KPNA2: variants seen among roughly 807,000 people sequenced by gnomAD.
The protein encoded by KPNA2 is karyopherin subunit alpha 2.
A neutral mutation model predicts 53.7 loss-of-function variants in KPNA2; 20 were observed. The observed-to-expected ratio is 0.37, with a 90% confidence interval of 0.26 to 0.54. The LOEUF is 0.54. Among genes scored for constraint, KPNA2 ranks in the 20% least tolerant of loss-of-function variants. The pLI is 0.83. For synonymous variants in KPNA2, 238 were observed against 227.5 expected (o/e 1.05, Z -0.42); for missense variants, 515 against 640.3 (o/e 0.80, Z 2.11).
At chr17:68,043,421 C>T (rs1007548002) in intron 7 of KPNA2, 58 bp downstream of exon 7, 43 of 1,546,688 alleles carry the variant, frequency 2.8e-5, no homozygotes, top group Middle Eastern at 1.7e-4. Flanking sequence ...CAGGGCTGGG[C>T]GTGGTAGTGG....
At position 68,044,304 on chromosome 17, in the gene KPNA2, T is replaced by C; in HGVS notation, c.1165-17T>C. 1 of 1,597,584 alleles carries C rather than the reference T, an allele frequency of 6.3e-7. No individual in the cohort carries two copies. The highest frequency in any genetic ancestry group is 8.5e-7 in the Non-Finnish European group (1 of 1,173,270). The stretch of plus-strand genomic sequence containing the variant: ...TGCAACTGTTCTGAAATAAAACCAT[T>C]TCCTTATGTTTAATAGGCAGATTTT... On this transcript the variant is annotated splice_polypyrimidine_tract_variant and intron_variant, in intron 8 of 10. Transcript: ENST00000330459.
rs1252281812 is a variant in KPNA2, at chr17:68,046,749, C to G, written c.*153C>G. On this transcript the variant is annotated 3_prime_UTR_variant, in exon 11 of 11. Transcript: ENST00000330459. ...GAACAGTTCCAACTGTACATACATA[C>G]TGTATGAAGCTTGTCCTCTGACTAG... 1.8e-5 allele frequency: 9 copies of G among 497,640 alleles called. No homozygotes were observed. The East Asian group carries it at 2.6e-4, about 14-fold the overall frequency. 30.8% of individuals were successfully genotyped at this position (497,640 alleles called of 1,614,324 possible).
At chr17:68,045,090 TAAAAA>T (rs554471695) in intron 9 of KPNA2, among the ~76,000 whole-genome samples, 1 of 130,390 alleles carries the variant, frequency 7.7e-6, no homozygotes, top group African/African-American at 2.9e-5. Context: ...GAAACTGTCT[TAAAAA>T]AAAAAAAAAA....
intron 9 of KPNA2, 135 bp downstream of exon 9, chr17:68,044,638 C>T: frequency 1.4e-6 from 1 of 707,506 alleles, no homozygotes; most frequent in Non-Finnish European, 2.4e-6. Context: ...TATGTGGCCA[C>T]CCCTTTGATT....
chr17:68,039,636 TG>T (rs1161378801), intron 3 of KPNA2, among the ~76,000 whole-genome samples: 4 of 144,464 alleles, frequency 2.8e-5, no homozygotes, highest in African/African-American at 1.0e-4. Context: ...CAAAATTAGC[TG>T]GGCATCGTGG....
At chr17:68,044,635 C>G in intron 9 of KPNA2, 132 bp downstream of exon 9, 1 of 712,624 alleles carries the variant, frequency 1.4e-6, no homozygotes, top group Non-Finnish European at 2.4e-6. Flanking sequence ...GTTTATGTGG[C>G]CACCCCTTTG....
Position 68,042,071 on chromosome 17 carries a change from T to G in KPNA2, c.303-14T>G, listed in dbSNP as rs782180140. 6.3e-7 allele frequency: 1 copy of G among 1,597,112 alleles called. No individual in the cohort carries two copies. The highest frequency in any genetic ancestry group is 2.2e-5 in the East Asian group (1 of 44,612). Reference sequence around the variant, plus strand: ...TCACTGTCAACTTTTATTTCTCTTTTTGTTCCCCTTTAGGAAACTACTTTC... The same window carrying G: ...TCACTGTCAACTTTTATTTCTCTTTGTGTTCCCCTTTAGGAAACTACTTTC... On this transcript the variant is annotated splice_polypyrimidine_tract_variant and intron_variant, in intron 4 of 10. Coordinates refer to ENST00000330459, the MANE Select transcript of KPNA2 (RefSeq NM_002266.4).
At chr17:68,041,228 T>C (rs1437410773) in intron 4 of KPNA2, among the ~76,000 whole-genome samples, 3 of 152,230 alleles carry the variant, frequency 2.0e-5, no homozygotes, top group Admixed American at 2.0e-4. Context: ...GTTCTATAGC[T>C]TGACAGTGTG....
chr17:68,044,368 T>C lies in KPNA2; in HGVS notation c.1212T>C (p.Tyr404=), dbSNP rs781861573. 2.5e-6 allele frequency: 4 copies of C among 1,614,168 alleles called. No individual in the cohort carries two copies. Among genetic ancestry groups the C allele is most frequent in the Non-Finnish European group, 3.4e-6 (4 of 1,179,986 alleles). ...AAGCTGTGTGGGCCGTGACCAACTATACCAGTGGTGGAACAGTTGAACAGA... is the reference window on the plus strand; with the variant it reads ...AAGCTGTGTGGGCCGTGACCAACTACACCAGTGGTGGAACAGTTGAACAGA... ...QKEAVWAVTN[Y]TSGGTVEQIV... is the part of the protein sequence containing the mutation. Residue 404 remains tyrosine, a synonymous_variant, in exon 9 of 11, where the codon TAT becomes TAC. Coordinates refer to ENST00000330459, the MANE Select transcript of KPNA2 (RefSeq NM_002266.4).
At chr17:68,042,433 T>G in intron 5 of KPNA2, 80 bp downstream of exon 5, 1 of 1,431,420 alleles carries the variant, frequency 7.0e-7, no homozygotes, top group Middle Eastern at 1.8e-4. Flanking sequence ...TAAGTAATAG[T>G]GACTTTGTCA....
At chr17:68,039,573 G>C (rs1270941691) in intron 3 of KPNA2, among the ~76,000 whole-genome samples, 64 of 146,654 alleles carry the variant, frequency 4.4e-4, no homozygotes, top group African/African-American at 6.5e-4. Context: ...CTGAGGTCGG[G>C]AGTTTGAGAC....
In KPNA2 at chr17:68,042,966, T is replaced by C. The variant is rs782515061; in HGVS notation, c.633T>C (p.Ala211=). The C allele has an allele frequency of 1.9e-6, 3 of 1,613,754 alleles. No individual in the cohort carries two copies. Among genetic ancestry groups the C allele is most frequent in the East Asian group, 4.5e-5 (2 of 44,868 alleles). The change falls in exon 6 of 11, where the codon GCT becomes GCC. Residue 211 remains alanine, a synonymous_variant. Transcript: ENST00000330459. ...ACGGTGCAGTTGACCCACTGTTGGC[T>C]CTCCTTGCAGTTCCTGATATGTCAT... ...IKYGAVDPLL[A]LLAVPDMSSL...
Position 68,037,456 on chromosome 17 carries a change from T to C in KPNA2, c.174T>C (p.Asp58=). Residue 58 remains aspartate, a synonymous_variant, in exon 3 of 11, where the codon GAT becomes GAC. Transcript: ENST00000330459. ...LKRRNVSSFP[D]DATSPLQENR... Reference sequence around the variant, plus strand: ...GGAGAAATGTAAGCTCATTTCCTGATGATGCTACTTCTCCGCTGCAGGAAA... The same window carrying C: ...GGAGAAATGTAAGCTCATTTCCTGACGATGCTACTTCTCCGCTGCAGGAAA... 1.9e-6 allele frequency: 3 copies of C among 1,614,012 alleles called. No individual in the cohort carries two copies. Among genetic ancestry groups the C allele is most frequent in the Middle Eastern group, 1.6e-4 (1 of 6,062 alleles).
chr17:68,044,679 A>G (rs1338196963), intron 9 of KPNA2, among the ~76,000 whole-genome samples, 176 bp downstream of exon 9: 1 of 152,202 alleles, frequency 6.6e-6, no homozygotes, highest in African/African-American at 2.4e-5. Flanking sequence ...AAAAGATACA[A>G]AAGAGACGAC....
At chr17:68,036,375 G>A (rs1205579944) in intron 1 of KPNA2, 2 of 152,254 alleles carry the variant, frequency 1.3e-5, no homozygotes, top group African/African-American at 4.8e-5. Context: ...CCTAGTCTCT[G>A]GAAATGCAAA....
rs1225490130 is a variant in KPNA2 at position 68,043,205 on chromosome 17, C to T, written c.772C>T (p.Arg258Trp). Residue 258 changes from arginine (R) to tryptophan (W), a missense_variant, in exon 7 of 11, where the codon CGG becomes TGG. Transcript: ENST00000330459. ...TGAGCAGATTCTTCCTACCTTAGTT[C>T]GGCTCCTGCATCATGATGATCCAGA... ...AVEQILPTLVRLLHHDDPEVL... is the reference protein window; with the variant it reads ...AVEQILPTLVWLLHHDDPEVL... 22 of 1,613,980 alleles carry T rather than the reference C, an allele frequency of 1.4e-5. No homozygotes were observed. The highest frequency in any genetic ancestry group is 1.6e-4 in the Middle Eastern group (1 of 6,084).
At chr17:68,045,951 A>T in intron 10 of KPNA2, 30 bp downstream of exon 10, 1 of 1,424,920 alleles carries the variant, frequency 7.0e-7, no homozygotes, top group Non-Finnish European at 9.5e-7. Flanking sequence ...ATTAATAACA[A>T]CTTGGAAACA....
chr17:68,042,743 G>A (rs1438401532), intron 5 of KPNA2, among the ~76,000 whole-genome samples, 162 bp from the exon 6 acceptor site: 4 of 151,898 alleles, frequency 2.6e-5, no homozygotes, highest in Admixed American at 2.0e-4. Flanking sequence ...TTAGCCGGGC[G>A]TGGCGGCGGG....
intron 9 of KPNA2, 43 bp downstream of exon 9, chr17:68,044,546 A>G (rs376473389): frequency 4.9e-5 from 75 of 1,529,530 alleles, no homozygotes; most frequent in Non-Finnish European, 6.5e-5. Context: ...TGGACTTGAT[A>G]ATAATCAGTT....
Sources: gnomAD v4.1 joint callset for allele counts (sites outside exome capture counted in the v4.1 genomes callset) on GRCh38, gnomAD v4.1.1 for gene constraint, MANE v1.5 for transcripts, NCBI Gene and HGNC (gene_info 2026-07-23, HGNC 2026-07-21) for gene names.